USP39: variants seen among roughly 807,000 people sequenced by gnomAD.
USP39 encodes the protein ubiquitin specific peptidase 39.
In USP39, 38 loss-of-function variants were observed where a neutral mutation model predicts 66.4. That is an observed-to-expected ratio of 0.57 (90% confidence interval 0.44 to 0.75). The LOEUF is 0.75. USP39 is among the 30% of genes least tolerant of loss of function. The pLI is 0.00. For missense variants in USP39, 608 were observed against 714.4 expected, an observed-to-expected ratio of 0.85 and a Z score of 1.70; for synonymous variants, 303 against 274.6, an observed-to-expected ratio of 1.10 and a Z score of -1.02.
intron 11 of USP39, chr2:85,645,347 G>T: frequency 3.3e-6 from 1 of 298,684 alleles, no homozygotes; most frequent in Non-Finnish European, 6.2e-6. Context: ...CGTGATCTTG[G>T]CTCACTGCAA....
At chr2:85,617,110 ATT>A (rs112788398) in intron 1 of USP39, among the ~76,000 whole-genome samples, 29 of 133,592 alleles carry the variant, frequency 2.2e-4, no homozygotes, top group South Asian at 2.4e-4. Flanking sequence ...TTAAAAAAGA[ATT>A]TTTTTTTTTT....
rs762640231 is a variant in USP39 at position 85,645,039 on chromosome 2, G to A, written c.1519G>A (p.Gly507Ser). ...YDLIANIVHD[G>S]KPSEGSYRIH... ...CCTCATTGCCAACATCGTGCATGAC[G>A]GCAAGCCCTCCGAGGGCTCCTACCG... Residue 507 changes from glycine to serine, a missense_variant, in exon 11 of 13, where the codon GGC (glycine) becomes AGC (serine). Physicochemically the swap from Gly to Ser is moderately conservative, Grantham distance 56 (BLOSUM62 0). Transcript: ENST00000323701. The A allele has an allele frequency of 2.5e-6, 4 of 1,613,966 alleles. No individual in the cohort carries two copies. The highest frequency in any genetic ancestry group is 1.3e-5 in the African/African-American group (1 of 74,892).
upstream of USP39, chr2:85,607,234 A>C (rs980511336): frequency 1.3e-5 from 2 of 152,240 alleles, no homozygotes; most frequent in African/African-American, 4.8e-5. Flanking sequence ...CCAAGTCATC[A>C]GATCAGTTTA....
chr2:85,628,998 G>C (rs1675097753), intron 5 of USP39, among the ~76,000 whole-genome samples: 2 of 152,090 alleles, frequency 1.3e-5, no homozygotes, highest in Non-Finnish European at 2.9e-5. Context: ...GTGCTGGTCG[G>C]GAAGGACCTG....
chr2:85,613,036 A>G (rs1317476133), upstream of USP39, among the ~76,000 whole-genome samples: 1 of 151,986 alleles, frequency 6.6e-6, no homozygotes, highest in African/African-American at 2.4e-5. Flanking sequence ...GTCCTTTTAC[A>G]AAAGTCAAAA....
At chr2:85,612,541 A>G (rs1180730747), upstream of USP39, among the ~76,000 whole-genome samples, 1 of 152,224 alleles carries the variant, frequency 6.6e-6, no homozygotes, top group African/African-American at 2.4e-5. Context: ...GGCGCCGCGA[A>G]GGCTCTCCTG....
chr2:85,643,629 G>C (rs1676417431), intron 10 of USP39, among the ~76,000 whole-genome samples: 1 of 150,032 alleles, frequency 6.7e-6, no homozygotes, highest in Non-Finnish European at 1.5e-5. Context: ...AGCTCACATG[G>C]ACTCAGGACT....
At chr2:85,629,359 A>G (rs962637899) in intron 5 of USP39, among the ~76,000 whole-genome samples, 6 of 149,580 alleles carry the variant, frequency 4.0e-5, no homozygotes, top group South Asian at 4.2e-4. Context: ...TCGCGCCTAG[A>G]CCCCTCCTCC....
At chr2:85,628,487 G>T (rs764456211) in intron 5 of USP39, among the ~76,000 whole-genome samples, 9 of 152,116 alleles carry the variant, frequency 5.9e-5, no homozygotes, top group Non-Finnish European at 1.0e-4. Flanking sequence ...ATTTGGATTT[G>T]GTCAGAGCTG....
At chr2:85,623,996 T>C (rs1674655517) in intron 4 of USP39, among the ~76,000 whole-genome samples, 1 of 152,182 alleles carries the variant, frequency 6.6e-6, no homozygotes, top group Non-Finnish European at 1.5e-5. Flanking sequence ...TTTCTACTTG[T>C]AACATTGAGG....
intron 4 of USP39, 122 bp from the exon 5 acceptor site, chr2:85,625,416 AT>A (rs1674779690): frequency 2.3e-6 from 3 of 1,300,034 alleles, no homozygotes; most frequent in African/African-American, 3.0e-5. Flanking sequence ...GGTTCGGACT[AT>A]TTTTCTGTGT....
intron 5 of USP39, among the ~76,000 whole-genome samples, chr2:85,626,842 C>T (rs555105736): frequency 3.2e-3 from 480 of 151,800 alleles, no homozygotes; most frequent in Non-Finnish European, 5.2e-3. Flanking sequence ...TTCAGCCTCC[C>T]GAGTAGCTGG....
At chr2:85,603,743 C>A (rs1366692443) in intron 1 of USP39, among the ~76,000 whole-genome samples, 1 of 152,014 alleles carries the variant, frequency 6.6e-6, no homozygotes, top group Non-Finnish European at 1.5e-5. Context: ...CAGGCGCCCG[C>A]CACCTCACCC....
intron 5 of USP39, among the ~76,000 whole-genome samples, chr2:85,627,644 A>AT (rs1558858755): frequency 6.6e-6 from 1 of 151,660 alleles, no homozygotes; most frequent in African/African-American, 2.4e-5. Flanking sequence ...AAAAAAAAAA[A>AT]ATTAGCTGGG....
intron 11 of USP39, among the ~76,000 whole-genome samples, chr2:85,645,570 C>T (rs1352030874): frequency 6.6e-6 from 1 of 152,184 alleles, no homozygotes; most frequent in Non-Finnish European, 1.5e-5. Flanking sequence ...GCGTGAGCCA[C>T]CGCGCCAACC....
chr2:85,614,708 G>GA (rs1263666750), upstream of USP39, among the ~76,000 whole-genome samples: 1 of 152,136 alleles, frequency 6.6e-6, no homozygotes, highest in Non-Finnish European at 1.5e-5. Flanking sequence ...TATTTTGCAA[G>GA]AAGAAATATT....
chr2:85,616,796 G>T (rs950712490), intron 1 of USP39, among the ~76,000 whole-genome samples: 1 of 148,952 alleles, frequency 6.7e-6, no homozygotes, highest in Admixed American at 6.8e-5. Flanking sequence ...TCCTACCTCC[G>T]CCTCCCAGGT....
At chr2:85,639,139 G>T in intron 8 of USP39, 64 bp from the exon 9 acceptor site, 1 of 1,480,810 alleles carries the variant, frequency 6.8e-7, no homozygotes, top group South Asian at 1.3e-5. Flanking sequence ...TAAAACATCG[G>T]TTCTGTGTTG....
upstream of USP39, chr2:85,611,288 T>G: frequency 7.0e-7 from 1 of 1,419,924 alleles, no homozygotes; most frequent in South Asian, 1.5e-5. Context: ...GATCTCTAGG[T>G]AGCAGAGAAG....
Sources: gnomAD v4.1 joint callset for allele counts (sites outside exome capture counted in the v4.1 genomes callset) on GRCh38, gnomAD v4.1.1 for gene constraint, MANE v1.5 for transcripts, NCBI Gene and HGNC (gene_info 2026-07-23, HGNC 2026-07-21) for gene names.